Variants in CCDC178 observed in about 807,000 individuals in gnomAD.
CCDC178 encodes the protein coiled-coil domain-containing protein 178.
Under a neutral mutation model 117.4 loss-of-function variants are expected in CCDC178, and 126 were observed. That is an observed-to-expected ratio of 1.07 (90% confidence interval 0.93 to 1.24). The LOEUF is 1.24. CCDC178 is among the 50% of genes most tolerant of loss of function. The pLI is 0.00. For missense variants in CCDC178, 1,030 were observed against 986.9 expected (o/e 1.04, Z -0.59); for synonymous variants, 283 against 313.4 (o/e 0.90, Z 1.02).
At chr18:33,190,473 G>C (rs779665999) in intron 20 of CCDC178, among the ~76,000 whole-genome samples, 3 of 152,028 alleles carry the variant, frequency 2.0e-5, no homozygotes, top group Non-Finnish European at 2.9e-5. Flanking sequence ...TTTATGAGTT[G>C]GTTGTTTCTT....
intron 20 of CCDC178, among the ~76,000 whole-genome samples, chr18:33,111,803 T>G (rs2057786555): frequency 6.6e-6 from 1 of 151,704 alleles, no homozygotes; most frequent in African/African-American, 2.4e-5. Context: ...ATAAAATAAC[T>G]GGGTAGAAGT....
rs988643338 is a variant in CCDC178, at chr18:33,227,296, T to A, written c.1594-441A>T. Among the ~76,000 whole-genome samples the A allele has an allele frequency of 4.0e-5, 6 of 151,856 alleles. No individual in the cohort carries two copies. In the East Asian group the frequency reaches 1.2e-3, roughly 29 times the overall value. On this transcript the variant is annotated intron_variant, in intron 15 of 22. Transcript: ENST00000383096. ...TTAGCTAGAACAATTCCTTTTTTTT[T>A]TTTTTAAATCATACCTTTCAAGTTT...
chr18:33,328,082 G>GTTTTTTTT lies in CCDC178; in HGVS notation c.880-4450_880-4449insAAAAAAAA, dbSNP rs2062609334. The stretch of plus-strand genomic sequence containing the variant: ...CCAAGGTCATAAAGATTTATCCCTA[G>GTTTTTTTT]ATTTTTTTTTTTTTTTTTTTTTTTT... On this transcript the variant is annotated intron_variant, in intron 10 of 22. Coordinates refer to ENST00000383096, the MANE Select transcript of CCDC178 (RefSeq NM_001105528.4). 61 of 249,132 alleles carry GTTTTTTTT rather than the reference G, an allele frequency of 2.4e-4. 16 individuals are homozygous for GTTTTTTTT. The highest frequency in any genetic ancestry group is 1.9e-3 in the African/African-American group (58 of 30,470). 15.4% of individuals were successfully genotyped at this position (249,132 alleles called of 1,614,324 possible).
At chr18:33,249,564 G>GATC in intron 14 of CCDC178, among the ~76,000 whole-genome samples, 1 of 152,206 alleles carries the variant, frequency 6.6e-6, no homozygotes, top group Admixed American at 6.5e-5. Flanking sequence ...GTTTGTTGAA[G>GATC]ATCAGATGGT....
At chr18:33,377,125 T>C (rs1470412326) in intron 5 of CCDC178, among the ~76,000 whole-genome samples, 1 of 152,216 alleles carries the variant, frequency 6.6e-6, no homozygotes, top group African/African-American at 2.4e-5. Flanking sequence ...TGTTTTTGGC[T>C]TTTTAGTAAT....
intron 12 of CCDC178, among the ~76,000 whole-genome samples, chr18:33,285,117 A>T (rs2060082548): frequency 6.6e-6 from 1 of 152,152 alleles, no homozygotes; most frequent in African/African-American, 2.4e-5. Flanking sequence ...ATTATTAAAA[A>T]TTTTAAAATC....
chr18:33,355,268 C>T (rs1445714893), intron 7 of CCDC178, among the ~76,000 whole-genome samples: 3 of 152,186 alleles, frequency 2.0e-5, no homozygotes, highest in Non-Finnish European at 4.4e-5. Context: ...TGTTTAGTGA[C>T]TCTTCCAAAC....
intron 11 of CCDC178, among the ~76,000 whole-genome samples, chr18:33,313,721 TAATACCCACCC>T (rs2062374156): frequency 6.6e-6 from 1 of 152,082 alleles, no homozygotes; most frequent in African/African-American, 2.4e-5. Context: ...TTAATAACCT[TAATACCCACCC>T]TGCATGGGAG....
chr18:33,219,646 G>C (rs2059207450), intron 18 of CCDC178, among the ~76,000 whole-genome samples: 1 of 152,092 alleles, frequency 6.6e-6, no homozygotes, highest in Middle Eastern at 3.4e-3. Context: ...GAAGCTGTAA[G>C]CCATCATTCT....
intron 10 of CCDC178, among the ~76,000 whole-genome samples, chr18:33,325,929 T>C (rs1357237450): frequency 6.6e-6 from 1 of 152,188 alleles, no homozygotes; most frequent in African/African-American, 2.4e-5. Context: ...ACATCACCCT[T>C]TTCTAGTTCC....
At chr18:33,025,102 T>C (rs964326458) in intron 21 of CCDC178, among the ~76,000 whole-genome samples, 4 of 152,206 alleles carry the variant, frequency 2.6e-5, no homozygotes, top group Non-Finnish European at 5.9e-5. Flanking sequence ...TCAACAACTG[T>C]ATATAAAGAA....
At position 32,996,747 on chromosome 18, in the gene CCDC178, T is replaced by C. The variant is rs551608784; in HGVS notation, c.2389-22066A>G. ...CACAAAATAACAGAATAAATAATTT[T>C]TAAAAAATCTGGATGCACTTGACTG... On this transcript the variant is annotated intron_variant, in intron 21 of 22. Transcript: ENST00000383096. Among the ~76,000 whole-genome samples the C allele has an allele frequency of 7.9e-5, 12 of 152,138 alleles. No individual in the cohort carries two copies. In the South Asian group the frequency reaches 2.5e-3, roughly 31 times the overall value.
intron 19 of CCDC178, among the ~76,000 whole-genome samples, chr18:33,212,762 C>T (rs2059123109): frequency 6.6e-6 from 1 of 151,922 alleles, no homozygotes; most frequent in Non-Finnish European, 1.5e-5. Context: ...CAATTAAACA[C>T]ATCATAATGC....
chr18:33,004,603 CA>C, intron 21 of CCDC178, among the ~76,000 whole-genome samples: 1 of 151,988 alleles, frequency 6.6e-6, no homozygotes, highest in Non-Finnish European at 1.5e-5. Flanking sequence ...GCAACCAAAT[CA>C]AAAATGGACA....
At chr18:33,084,221 T>A (rs1192466836) in intron 21 of CCDC178, among the ~76,000 whole-genome samples, 1 of 152,214 alleles carries the variant, frequency 6.6e-6, no homozygotes, top group Non-Finnish European at 1.5e-5. Flanking sequence ...TTTGTTTTCA[T>A]GTTCCAGTAC....
At chr18:32,956,224 A>G (rs1332965666) in intron 22 of CCDC178, among the ~76,000 whole-genome samples, 3 of 152,178 alleles carry the variant, frequency 2.0e-5, no homozygotes, top group Admixed American at 6.5e-5. Context: ...ATTTATTTTC[A>G]TGTCTTGTAT....
intron 21 of CCDC178, among the ~76,000 whole-genome samples, chr18:33,019,826 G>C (rs1465315828): frequency 6.6e-6 from 1 of 151,600 alleles, no homozygotes; most frequent in Non-Finnish European, 1.5e-5. Context: ...GTAAACATTA[G>C]TCTATTATAC....
intron 20 of CCDC178, among the ~76,000 whole-genome samples, chr18:33,104,466 C>A (rs1485594634): frequency 6.6e-6 from 1 of 151,188 alleles, no homozygotes; most frequent in Non-Finnish European, 1.5e-5. Context: ...TCTTTTCTTC[C>A]TTTTGTTTCC....
Position 33,348,894 on chromosome 18 carries a change from C to T in CCDC178, c.453G>A (p.Lys151=), listed in dbSNP as rs1227073453. ...TPVKEVKPGE[K]RDEKCPELKQ... ...AAGTAGGAGGAACAACTTTACCTCT[C>T]TTTTCTCCTGGTTTGACCTCTTTCA... Residue 151 remains lysine (K), a synonymous_variant, in exon 8 of 23, where the codon AAG becomes AAA. Transcript: ENST00000383096. 6.2e-7 allele frequency: 1 copy of T among 1,605,858 alleles called. No individual in the cohort carries two copies.
Sources: allele counts gnomAD v4.1 joint callset (sites outside exome capture counted in the v4.1 genomes callset), GRCh38; gene constraint gnomAD v4.1.1; transcripts MANE v1.5; gene names NCBI Gene and HGNC (gene_info 2026-07-23, HGNC 2026-07-21).